The following RAB38 variants were observed in gnomAD, a reference collection of about 807,000 sequenced individuals.
RAB38 encodes RAB38, member RAS oncogene family.
Under a neutral mutation model 18.4 loss-of-function variants are expected in RAB38, and 15 were observed. That is an observed-to-expected ratio of 0.82 (90% CI 0.55 to 1.26). RAB38 has a LOEUF of 1.26. RAB38 is among the 50% of genes most tolerant of loss of function. RAB38 has a pLI of 0.00. For missense variants in RAB38, 294 were observed against 267.4 expected (o/e 1.10, Z -0.69); for synonymous variants, 101 against 104.4 (o/e 0.97, Z 0.20).
At chr11:87,910,856 C>T in the RAB38 span, among the ~76,000 whole-genome samples, 8 of 151,896 alleles carry the variant, frequency 5.3e-5, no homozygotes, top group East Asian at 1.2e-3. Context: ...AGGATGGTCT[C>T]GATCTCCTGA....
chr11:87,904,878 G>GC, the RAB38 span, among the ~76,000 whole-genome samples: 40 of 151,776 alleles, frequency 2.6e-4, no homozygotes, highest in African/African-American at 9.6e-4. Context: ...ACTACTCAGA[G>GC]CTTATTAAAC....
chr11:88,030,479 T>C, the RAB38 span, among the ~76,000 whole-genome samples: 1 of 152,070 alleles, frequency 6.6e-6, no homozygotes, highest in Non-Finnish European at 1.5e-5. Flanking sequence ...GATAGACTGC[T>C]AGCAAGACTA....
chr11:87,948,070 T>C, the RAB38 span, among the ~76,000 whole-genome samples: 2 of 152,226 alleles, frequency 1.3e-5, no homozygotes, highest in Non-Finnish European at 2.9e-5. Context: ...TTTTATTTCA[T>C]TGAGCAGTGG....
At chr11:88,036,822 A>T in the RAB38 span, among the ~76,000 whole-genome samples, 1 of 151,918 alleles carries the variant, frequency 6.6e-6, no homozygotes, top group South Asian at 2.1e-4. Context: ...TCTTAATATG[A>T]GTCTTTAATC....
chr11:87,862,673 A>G, the RAB38 span, among the ~76,000 whole-genome samples: 1 of 151,904 alleles, frequency 6.6e-6, no homozygotes, highest in African/African-American at 2.4e-5. Context: ...AAGTTAAATA[A>G]AAACTAAAAA....
chr11:87,917,225 C>A, the RAB38 span, among the ~76,000 whole-genome samples: 1 of 151,876 alleles, frequency 6.6e-6, no homozygotes, highest in Non-Finnish European at 1.5e-5. Flanking sequence ...CTGCACCGTG[C>A]GTGGGGTATT....
chr11:88,101,111 C>T, the RAB38 span, among the ~76,000 whole-genome samples: 1 of 151,962 alleles, frequency 6.6e-6, no homozygotes, highest in Non-Finnish European at 1.5e-5. Context: ...CAACACACAC[C>T]TGGAAAGGCC....
chr11:87,974,156 G>T, the RAB38 span, among the ~76,000 whole-genome samples: 1 of 151,882 alleles, frequency 6.6e-6, no homozygotes, highest in African/African-American at 2.4e-5. Flanking sequence ...AGAAGACACA[G>T]ATATCAAAAT....
chr11:88,132,119 G>C (rs1942773322), intron 2 of RAB38, among the ~76,000 whole-genome samples: 1 of 152,162 alleles, frequency 6.6e-6, no homozygotes, highest in Non-Finnish European at 1.5e-5. Flanking sequence ...CTGAGTAAAG[G>C]ACCCAACCAA....
the RAB38 span, among the ~76,000 whole-genome samples, chr11:88,069,043 T>A: frequency 6.6e-6 from 1 of 151,674 alleles, no homozygotes; most frequent in African/African-American, 2.4e-5. Context: ...TGCAGGGAGG[T>A]GTGGAGGGAG....
the RAB38 span, among the ~76,000 whole-genome samples, chr11:87,977,139 TATTATACAAGTATATTATAA>T: frequency 1.7e-3 from 18 of 10,902 alleles, 9 homozygotes; most frequent in East Asian, 1. Flanking sequence ...TATAAAATTA[TATTATACAAGTATATTATAA>T]AATTATATTA....
intron 2 of RAB38, among the ~76,000 whole-genome samples, chr11:88,146,133 A>G (rs1942981937): frequency 6.6e-6 from 1 of 152,220 alleles, no homozygotes; most frequent in Non-Finnish European, 1.5e-5. Flanking sequence ...CTCCAGCAAC[A>G]GCAGTAGTCA....
downstream of RAB38, among the ~76,000 whole-genome samples, chr11:88,110,908 A>G (rs1311013611): frequency 2.0e-5 from 3 of 150,220 alleles, no homozygotes; most frequent in Non-Finnish European, 2.9e-5. Flanking sequence ...TGGGAGTCCA[A>G]GGCAGGTGGA....
chr11:87,935,386 A>G, the RAB38 span, among the ~76,000 whole-genome samples: 1 of 151,942 alleles, frequency 6.6e-6, no homozygotes, highest in South Asian at 2.1e-4. Context: ...CTATAATTCA[A>G]CCCTCTTCAC....
chr11:88,139,873 G>A (rs1347893360), intron 2 of RAB38, among the ~76,000 whole-genome samples: 1 of 152,104 alleles, frequency 6.6e-6, no homozygotes, highest in East Asian at 1.9e-4. Context: ...GAAAATAATT[G>A]AAAATCCTCC....
At chr11:87,932,313 T>C in the RAB38 span, among the ~76,000 whole-genome samples, 4 of 151,586 alleles carry the variant, frequency 2.6e-5, no homozygotes, top group South Asian at 8.3e-4. Context: ...GAGAGAGAGA[T>C]TCAGGCTGAG....
chr11:88,048,580 G>A, the RAB38 span, among the ~76,000 whole-genome samples: 1 of 152,092 alleles, frequency 6.6e-6, no homozygotes, highest in African/African-American at 2.4e-5. Flanking sequence ...GCCCATTTAA[G>A]CTCCTGTATA....
At chr11:88,070,614 C>T in the RAB38 span, among the ~76,000 whole-genome samples, 3 of 152,162 alleles carry the variant, frequency 2.0e-5, no homozygotes, top group African/African-American at 7.2e-5. Flanking sequence ...AGAAAATGCT[C>T]AGAGAACTTA....
the RAB38 span, among the ~76,000 whole-genome samples, chr11:87,951,781 G>C: frequency 6.6e-6 from 1 of 152,138 alleles, no homozygotes; most frequent in African/African-American, 2.4e-5. Flanking sequence ...GGAGTACCTG[G>C]CTGTGTGAGG....
Sources: gnomAD v4.1 joint callset for allele counts (sites outside exome capture counted in the v4.1 genomes callset) on GRCh38, gnomAD v4.1.1 for gene constraint, MANE v1.5 for transcripts, NCBI Gene and HGNC (gene_info 2026-07-23, HGNC 2026-07-21) for gene names.